The following CELF4 variants were observed in gnomAD, a reference collection of about 807,000 sequenced individuals.
CELF4 encodes the protein CUG-BP- and ETR-3-like factor 4.
In CELF4, 18 loss-of-function variants were observed where a neutral mutation model predicts 59.9. The ratio of observed to expected loss-of-function variants is 0.30; its 90% confidence interval spans 0.21 to 0.45. CELF4 has a LOEUF of 0.45. Ranked by LOEUF, CELF4 falls within the 20% of genes least tolerant of loss-of-function variation. The probability of loss-of-function intolerance (pLI) is 1.00; values close to 1 mark genes in which losing one functional copy is unlikely to be tolerated. For missense variants in CELF4, 456 were observed against 689.0 expected (o/e 0.66, Z 3.79); for synonymous variants, 261 against 267.1 (o/e 0.98, Z 0.22).
At chr18:37,430,362 G>T (rs752831340) in intron 2 of CELF4, among the ~76,000 whole-genome samples, 3 of 152,228 alleles carry the variant, frequency 2.0e-5, no homozygotes, top group Admixed American at 1.3e-4. Flanking sequence ...TATACACAGA[G>T]TTGTAAAAGC....
At chr18:37,319,538 G>A (rs2097010558) in intron 3 of CELF4, among the ~76,000 whole-genome samples, 1 of 152,198 alleles carries the variant, frequency 6.6e-6, no homozygotes, top group South Asian at 2.1e-4. Context: ...CTAAGTCAGT[G>A]CCCTGCTGGG....
At chr18:37,537,489 C>G (rs1002748591) in intron 1 of CELF4, among the ~76,000 whole-genome samples, 1 of 152,152 alleles carries the variant, frequency 6.6e-6, no homozygotes, top group Non-Finnish European at 1.5e-5. Context: ...GCAGGGAGGC[C>G]AGTTCCCGGT....
chr18:37,368,863 T>G (rs1569567883), intron 2 of CELF4, among the ~76,000 whole-genome samples: 1 of 152,162 alleles, frequency 6.6e-6, no homozygotes, highest in African/African-American at 2.4e-5. Flanking sequence ...CATGCACCAT[T>G]TGTGTGCAAA....
chr18:37,509,169 C>A (rs2154604204), intron 1 of CELF4, among the ~76,000 whole-genome samples: 2 of 152,152 alleles, frequency 1.3e-5, no homozygotes, highest in Admixed American at 1.3e-4. Context: ...CACTTTATAT[C>A]CCCCCCTCCT....
intron 3 of CELF4, among the ~76,000 whole-genome samples, chr18:37,318,413 C>T (rs937356214): frequency 2.6e-5 from 4 of 151,990 alleles, no homozygotes; most frequent in Admixed American, 2.6e-4. Context: ...ATTCCCCTCT[C>T]CTGTTGCCTA....
At position 37,565,342 on chromosome 18, in the gene CELF4, A is replaced by T. The variant is rs2099987920; in HGVS notation, c.286+14T>A. 2 of 1,460,994 alleles carry T rather than the reference A, an allele frequency of 1.4e-6. No individual in the cohort carries two copies. Among genetic ancestry groups the T allele is most frequent in the South Asian group, 3.1e-5 (2 of 65,342 alleles). The allele number at this position is 1,460,994 out of a possible 1,614,324, so 90.5% of individuals were successfully genotyped here. ...CTGCTCCCCGGCAAAGTTGGGAGGG[A>T]AAGGTGTACTCACCTTTGTGCATGC... On this transcript the variant is annotated intron_variant, in intron 1 of 12. Coordinates refer to ENST00000420428, the MANE Select transcript of CELF4 (RefSeq NM_020180.4).
chr18:37,507,367 C>G (rs1174446124), intron 1 of CELF4, among the ~76,000 whole-genome samples: 1 of 152,198 alleles, frequency 6.6e-6, no homozygotes, highest in African/African-American at 2.4e-5. Flanking sequence ...TCACCTCTCT[C>G]TGTGCATGTT....
At chr18:37,511,677 C>T (rs1192627707) in intron 1 of CELF4, among the ~76,000 whole-genome samples, 1 of 151,978 alleles carries the variant, frequency 6.6e-6, no homozygotes, top group Non-Finnish European at 1.5e-5. Context: ...GCTCAGTCAA[C>T]ATCTCCCAGT....
In CELF4 at chr18:37,514,859, C is replaced by T. The variant is rs567444441; in HGVS notation, c.287-29252G>A. On this transcript the variant is annotated intron_variant, in intron 1 of 12. Transcript: ENST00000420428. ...CTTTTCAGTTCAACTTTAACTGGAC[C>T]GGGTGGAAATTAAAAAAAGGATATT... Among the ~76,000 whole-genome samples the T allele has an allele frequency of 8.6e-5, 13 of 151,402 alleles. No individual in the cohort carries two copies. The East Asian group carries it at 9.7e-4, about 11-fold the overall frequency.
At chr18:37,431,916 C>T (rs944295882) in intron 2 of CELF4, among the ~76,000 whole-genome samples, 8 of 152,178 alleles carry the variant, frequency 5.3e-5, no homozygotes, top group African/African-American at 1.9e-4. Context: ...TAATTAAGCC[C>T]CTGAGTCCTT....
At chr18:37,323,861 G>A (rs369133482) in intron 2 of CELF4, among the ~76,000 whole-genome samples, 12 of 152,316 alleles carry the variant, frequency 7.9e-5, no homozygotes, top group African/African-American at 2.6e-4. Context: ...GCCAGGATGA[G>A]TAGGCACATG....
intron 1 of CELF4, among the ~76,000 whole-genome samples, chr18:37,509,251 C>T (rs1451573175): frequency 6.6e-6 from 1 of 152,212 alleles, no homozygotes; most frequent in Non-Finnish European, 1.5e-5. Flanking sequence ...ATACCATTTT[C>T]ACATGGAATT....
chr18:37,274,685 C>T, intron 5 of CELF4, 120 bp downstream of exon 5: 6 of 1,481,944 alleles, frequency 4.0e-6, no homozygotes, highest in Non-Finnish European at 5.4e-6. Context: ...GTCTGAGGCC[C>T]GGAATAAGGG....
chr18:37,473,083 G>A (rs2099838514), intron 2 of CELF4, among the ~76,000 whole-genome samples: 1 of 152,134 alleles, frequency 6.6e-6, no homozygotes, highest in Non-Finnish European at 1.5e-5. Flanking sequence ...AGGCTATGAG[G>A]GAGGGCCTCA....
intron 11 of CELF4, among the ~76,000 whole-genome samples, chr18:37,256,998 G>A (rs571061066): frequency 6.6e-6 from 1 of 152,306 alleles, no homozygotes; most frequent in South Asian, 2.1e-4. Flanking sequence ...CATCTCAGGA[G>A]TCTGTCCTTT....
chr18:37,559,882 G>A (rs1314569908), intron 1 of CELF4, among the ~76,000 whole-genome samples: 3 of 152,202 alleles, frequency 2.0e-5, no homozygotes, highest in African/African-American at 4.8e-5. Flanking sequence ...CCTGGGACAC[G>A]AGCTCCCTGA....
chr18:37,559,516 CTT>C (rs889047984), intron 1 of CELF4, among the ~76,000 whole-genome samples: 4 of 150,198 alleles, frequency 2.7e-5, no homozygotes, highest in Non-Finnish European at 4.4e-5. Flanking sequence ...ACAACTTTCA[CTT>C]TTTTTTTTCT....
At chr18:37,489,972 T>G (rs1246414093) in intron 1 of CELF4, among the ~76,000 whole-genome samples, 2 of 152,126 alleles carry the variant, frequency 1.3e-5, no homozygotes, top group African/African-American at 2.4e-5. Flanking sequence ...TCGGCAAGGA[T>G]CCAGTGTGGC....
At chr18:37,550,810 A>T (rs1050302637) in intron 1 of CELF4, among the ~76,000 whole-genome samples, 4 of 152,140 alleles carry the variant, frequency 2.6e-5, no homozygotes, top group Non-Finnish European at 5.9e-5. Flanking sequence ...GTGCCAGAAA[A>T]TTCCCCCCGA....
Sources: allele counts gnomAD v4.1 joint callset (sites outside exome capture counted in the v4.1 genomes callset), GRCh38; gene constraint gnomAD v4.1.1; transcripts MANE v1.5; gene names NCBI Gene and HGNC (gene_info 2026-07-23, HGNC 2026-07-21).